AGO4: variants seen among roughly 807,000 people sequenced by gnomAD.
The protein encoded by AGO4 is argonaute RISC component 4.
In AGO4, 33 loss-of-function variants were observed where a neutral mutation model predicts 104.7. That is an observed-to-expected ratio of 0.32 (90% CI 0.24 to 0.42). The LOEUF is 0.42. Ranked by LOEUF, AGO4 falls within the 10% of genes least tolerant of loss-of-function variation. AGO4 has a pLI of 1.00. For synonymous variants in AGO4, 331 were observed against 364.7 expected (o/e 0.91, Z 1.05); for missense variants, 711 against 1,083.4 (o/e 0.66, Z 4.83).
At chr1:35,835,793 G>C in intron 12 of AGO4, 41 bp from the exon 13 acceptor site, 2 of 1,510,060 alleles carry the variant, frequency 1.3e-6, no homozygotes, top group Non-Finnish European at 1.8e-6. Flanking sequence ...GTAATTAGGA[G>C]ACCATTTAAA....
rs1160305368 is a variant in AGO4, at chr1:35,813,741, C to G, written c.20-3141C>G. ...TCCAGCCTGGGCAACAGAGCAAGAC[C>G]CTGGCTCAAAAAAAGAAAAAAAGAA... On this transcript the variant is annotated intron_variant, in intron 1 of 17. Transcript: ENST00000373210. Among the ~76,000 whole-genome samples, 11 of 141,094 alleles carry G rather than the reference C, an allele frequency of 7.8e-5. 1 individual carries two copies. In the South Asian group the frequency reaches 2.3e-3, roughly 29 times the overall value. The allele number at this position is 141,094 out of a possible 152,430, so 92.6% of individuals were successfully genotyped here.
At chr1:35,816,850 A>AG in intron 1 of AGO4, 32 bp from the exon 2 acceptor site, 1 of 1,511,770 alleles carries the variant, frequency 6.6e-7, no homozygotes, top group Non-Finnish European at 8.8e-7. Context: ...GAAAAAAAAA[A>AG]TAGCACAGCA....
At chr1:35,822,152 T>C (rs571096244) in intron 2 of AGO4, among the ~76,000 whole-genome samples, 1 of 151,980 alleles carries the variant, frequency 6.6e-6, no homozygotes, top group African/African-American at 2.4e-5. Context: ...AGTGCTGGAA[T>C]TGCAGGCATG....
Position 35,850,240 on chromosome 1 carries a change from T to C in AGO4, c.2259T>C (p.Cys753=), listed in dbSNP as rs910096858. ...CATCTGAGTTTGACTTTTACCTCTG[T>C]AGTCATGCAGGAATTCAGGTAATTT... is the stretch of plus-strand genomic sequence containing the variant. ...THPSEFDFYL[C]SHAGIQGTSR... The change falls in exon 16 of 18, where the codon TGT becomes TGC. Residue 753 remains cysteine (C), a synonymous_variant. Coordinates refer to ENST00000373210, the MANE Select transcript of AGO4 (RefSeq NM_017629.4). The C allele has an allele frequency of 2.5e-6, 4 of 1,613,490 alleles. No homozygotes were observed. Among genetic ancestry groups the C allele is most frequent in the Admixed American group, 1.7e-5 (1 of 60,024 alleles).
Position 35,856,531 on chromosome 1 carries a change from A to T in AGO4, c.*2926A>T, listed in dbSNP as rs1644819654. 6.6e-6 allele frequency: 1 copy of T among 152,180 alleles called. No individual in the cohort carries two copies. The highest frequency in any genetic ancestry group is 2.4e-5 in the African/African-American group (1 of 41,428). 9.4% of individuals were successfully genotyped at this position (152,180 alleles called of 1,614,324 possible). On this transcript the variant is annotated 3_prime_UTR_variant, in exon 18 of 18. Transcript: ENST00000373210. ...AACGCTAAAGAGTAATAATTTGGGG[A>T]TAAGAAGTGGGGACATTGGCCGGGC...
chr1:35,831,369 A>T lies in AGO4; in HGVS notation c.849-58A>T, dbSNP rs550670514. On this transcript the variant is annotated intron_variant, in intron 7 of 17. Transcript: ENST00000373210. Reference sequence around the variant, plus strand: ...CTGTCTCAAAAAAAAAGAAAAAAGAAAAAGAAGAAAAGAAAGAACTTGAAG... The same window carrying T: ...CTGTCTCAAAAAAAAAGAAAAAAGATAAAGAAGAAAAGAAAGAACTTGAAG... The T allele has an allele frequency of 4.2e-5, 65 of 1,540,332 alleles. No individual in the cohort carries two copies. The East Asian group carries it at 8.0e-4, about 19-fold the overall frequency.
rs551871448 is a variant in AGO4 at position 35,836,913 on chromosome 1, T to C, written c.1724+920T>C. ...TTTACACTTACACTGAGAGTTCTAC[T>C]TGCTCTATATTCTTACCAACACTTG... On this transcript the variant is annotated intron_variant, in intron 13 of 17. Coordinates refer to ENST00000373210, the MANE Select transcript of AGO4 (RefSeq NM_017629.4). Among the ~76,000 whole-genome samples, 7 of 152,332 alleles carry C rather than the reference T, an allele frequency of 4.6e-5. No homozygotes were observed. The East Asian group carries it at 1.3e-3, about 29-fold the overall frequency.
Position 35,841,215 on chromosome 1 carries a change from A to C in AGO4, c.1775A>C (p.His592Pro). Residue 592 changes from histidine to proline, a missense_variant, in exon 14 of 18, where the codon CAC becomes CCC. Physicochemically the swap from His to Pro is moderately conservative, Grantham distance 77 (BLOSUM62 -2). Around this residue, in one of 3 missense-constraint regions of AGO4, gnomAD observed 401 missense variants for 665.5 expected, o/e 0.60. Transcript: ENST00000373210. The surrounding 1 kb of genome is among the most constrained non-coding windows in gnomAD (Gnocchi z 4.7). ...ATCTTCCTGGGAGCGGATGTCACACACCCCCCAGCAGGGGATGGGAAGAAA... is the reference window on the plus strand; with the variant it reads ...ATCTTCCTGGGAGCGGATGTCACACCCCCCCCAGCAGGGGATGGGAAGAAA... Reference protein sequence around the residue: ...PVIFLGADVTHPPAGDGKKPS... With the variant: ...PVIFLGADVTPPPAGDGKKPS... The C allele has an allele frequency of 6.2e-7, 1 of 1,612,948 alleles. No homozygotes were observed. Among genetic ancestry groups the C allele is most frequent in the Non-Finnish European group, 8.5e-7 (1 of 1,179,270 alleles).
chr1:35,834,427 T>A (rs1008716077), intron 12 of AGO4, among the ~76,000 whole-genome samples: 1 of 152,206 alleles, frequency 6.6e-6, no homozygotes, highest in Non-Finnish European at 1.5e-5. Flanking sequence ...GGCCCCACAT[T>A]CTTTTTTCTC....
Position 35,856,845 on chromosome 1 carries a change from A to C in AGO4, c.*3240A>C. 2 of 141,124 alleles carry C rather than the reference A, an allele frequency of 1.4e-5. No homozygotes were observed. Among genetic ancestry groups the C allele is most frequent in the African/African-American group, 2.6e-5 (1 of 38,070 alleles). The allele number at this position is 141,124 out of a possible 1,614,324, so 8.7% of individuals were successfully genotyped here. On this transcript the variant is annotated 3_prime_UTR_variant, in exon 18 of 18. Coordinates refer to ENST00000373210, the MANE Select transcript of AGO4 (RefSeq NM_017629.4). ...AAAAAAAAAAAGGGGGGGGGGGGAC[A>C]TTAAGAGAGTGGTGATGACCCAAAT...
chr1:35,807,656 G>C (rs530940934), upstream of AGO4, among the ~76,000 whole-genome samples: 3 of 152,296 alleles, frequency 2.0e-5, no homozygotes, highest in East Asian at 5.8e-4. Flanking sequence ...CCGGCTATAC[G>C]GAGAGGGACG....
Position 35,825,344 on chromosome 1 carries a change from G to A in AGO4, c.338G>A (p.Gly113Asp). The part of the protein sequence containing the change: ...VDMEVTLPGE[G>D]KDQTFKVSVQ... ...ATGGAGGTGACTCTTCCAGGCGAGGGTAAAGACCAAACATTTAAAGTGTCT... is the reference window on the plus strand; with the variant it reads ...ATGGAGGTGACTCTTCCAGGCGAGGATAAAGACCAAACATTTAAAGTGTCT... The change falls in exon 4 of 18, where the codon GGT (glycine) becomes GAT (aspartate). Residue 113 changes from glycine to aspartate, a missense_variant. Coordinates refer to ENST00000373210, the MANE Select transcript of AGO4 (RefSeq NM_017629.4). 2 of 1,614,102 alleles carry A rather than the reference G, an allele frequency of 1.2e-6. No homozygotes were observed. Among genetic ancestry groups the A allele is most frequent in the Non-Finnish European group, 1.7e-6 (2 of 1,180,012 alleles).
rs759207550 is a variant in AGO4, at chr1:35,853,631, A to G, written c.*26A>G. 2.5e-6 allele frequency: 4 copies of G among 1,603,734 alleles called. No homozygotes were observed. In the Admixed American group the frequency reaches 5.0e-5, roughly 20 times the overall value. On this transcript the variant is annotated 3_prime_UTR_variant, in exon 18 of 18. Coordinates refer to ENST00000373210, the MANE Select transcript of AGO4 (RefSeq NM_017629.4). ...GAGTCTCAGAAAAAGAACTCAACCAATTTGGCACCCCATGCAGCCTCAAAA... is the reference window on the plus strand; with the variant it reads ...GAGTCTCAGAAAAAGAACTCAACCAGTTTGGCACCCCATGCAGCCTCAAAA...
rs1387374265 is a variant in AGO4 at position 35,825,464 on chromosome 1, A to G, written c.458A>G (p.Asp153Gly). 1.9e-6 allele frequency: 3 copies of G among 1,614,046 alleles called. No homozygotes were observed. The African/African-American group carries it at 4.0e-5, about 22-fold the overall frequency. Residue 153 changes from aspartate to glycine, a missense_variant, in exon 4 of 18, where the codon GAT (aspartate) becomes GGT (glycine). Coordinates refer to ENST00000373210, the MANE Select transcript of AGO4 (RefSeq NM_017629.4). ...CCAGATGACTCAGTACAAGCACTTG[A>G]TGTTATCACAAGACACCTTCCCTCC... The part of the protein sequence containing the change: ...EVPDDSVQAL[D>G]VITRHLPSMR...
In AGO4 at chr1:35,822,946, G is replaced by A; in HGVS notation, c.270G>A (p.Met90Ile). Reference protein sequence around the residue: ...RQPGYDGKRNMYTAHPLPIGR... With the variant: ...RQPGYDGKRNIYTAHPLPIGR... ...CTGGGTATGATGGCAAAAGAAACAT[G>A]TACACAGCACATCCACTACCAATTG... The change falls in exon 3 of 18, where the codon ATG becomes ATA. Residue 90 changes from methionine to isoleucine, a missense_variant. Transcript: ENST00000373210. 6.2e-7 allele frequency: 1 copy of A among 1,614,036 alleles called. No individual in the cohort carries two copies.
intron 17 of AGO4, among the ~76,000 whole-genome samples, chr1:35,851,672 G>C (rs1644704133): frequency 6.6e-6 from 1 of 152,156 alleles, no homozygotes; most frequent in Admixed American, 6.5e-5. Flanking sequence ...CCCCAAGTCT[G>C]AATTCAGCTG....
chr1:35,825,768 A>T lies in AGO4; in HGVS notation c.578A>T (p.His193Leu). Residue 193 changes from histidine (H) to leucine (L), a missense_variant, in exon 5 of 18, where the codon CAT (histidine) becomes CTT (leucine). Transcript: ENST00000373210. ...GGGREVWFGF[H>L]QSVRPAMWNM... ...GGCAGGGAGGTCTGGTTTGGTTTTCATCAGTCTGTGAGACCTGCCATGTGG... is the reference window on the plus strand; with the variant it reads ...GGCAGGGAGGTCTGGTTTGGTTTTCTTCAGTCTGTGAGACCTGCCATGTGG... The T allele has an allele frequency of 1.3e-6, 2 of 1,597,116 alleles. No homozygotes were observed. The highest frequency in any genetic ancestry group is 8.5e-7 in the Non-Finnish European group (1 of 1,173,894).
rs115820532 is a variant in AGO4, at chr1:35,846,864, A to G, written c.2176-3293A>G. Among the ~76,000 whole-genome samples, 929 of 152,106 alleles carry G rather than the reference A, an allele frequency of 6.1e-3. 7 individuals are homozygous for G. Among genetic ancestry groups the G allele is most frequent in the African/African-American group, 0.021 (883 of 41,464 alleles). ...GGACCTGCTGCAGATACCAAAATCC[A>G]CATATGCTCAAGTCCCTGATATAAA... On this transcript the variant is annotated intron_variant, in intron 15 of 17. Transcript: ENST00000373210.
At chr1:35,812,531 A>T (rs1465069877) in intron 1 of AGO4, among the ~76,000 whole-genome samples, 1 of 152,224 alleles carries the variant, frequency 6.6e-6, no homozygotes, top group Non-Finnish European at 1.5e-5. Flanking sequence ...GTCCTTAAGC[A>T]AGTCATTTGA....
Sources: allele counts gnomAD v4.1 joint callset (sites outside exome capture counted in the v4.1 genomes callset), GRCh38; gene constraint gnomAD v4.1.1; regional missense constraint gnomAD v4.1.1; non-coding constraint Gnocchi (gnomAD v3.1); transcripts MANE v1.5; gene names NCBI Gene and HGNC (gene_info 2026-07-23, HGNC 2026-07-21).